Variants in DOK1 observed in about 807,000 individuals in gnomAD.
The protein encoded by DOK1 is Downstream of tyrosine kinase 1.
DOK1 carries 12 observed loss-of-function variants against 24.0 expected under a neutral mutation model. That is an observed-to-expected ratio of 0.50 (90% CI 0.32 to 0.81). The LOEUF is 0.81. Among genes scored for constraint, DOK1 ranks in the 30% least tolerant of loss-of-function variants. The probability of loss-of-function intolerance (pLI) is 0.03; values close to 1 mark genes in which losing one functional copy is unlikely to be tolerated. For missense variants in DOK1, 591 were observed against 620.7 expected (o/e 0.95, Z 0.51); for synonymous variants, 250 against 260.9 (o/e 0.96, Z 0.40).
chr2:74,555,178 C>A lies in DOK1; in HGVS notation c.85C>A (p.Leu29Ile). ...TKRWRKTWAV[L>I]YPASPHGVAR... ...GAGGTGGAGGAAGACCTGGGCCGTG[C>A]TCTACCCGGCCAGTCCCCACGGCGT... is the stretch of plus-strand genomic sequence containing the variant. The change falls in exon 2 of 5, where the codon CTC becomes ATC. Residue 29 changes from leucine (L) to isoleucine (I), a missense_variant. Coordinates refer to ENST00000233668, the MANE Select transcript of DOK1 (RefSeq NM_001381.5). This position sits in a 1 kb window ranked among gnomAD's most constrained non-coding sequence, Gnocchi z 6.1. 1.2e-6 allele frequency: 2 copies of A among 1,613,040 alleles called. No individual in the cohort carries two copies. The highest frequency in any genetic ancestry group is 1.1e-5 in the South Asian group (1 of 91,048).
upstream of DOK1, chr2:74,550,162 G>A: frequency 7.5e-6 from 12 of 1,607,338 alleles, no homozygotes; most frequent in Non-Finnish European, 1.0e-5. Context: ...TAGTGTGTGT[G>A]TGTATGTCTA....
At chr2:74,552,408 A>G (rs1677072867), upstream of DOK1, 1 of 1,613,704 alleles carries the variant, frequency 6.2e-7, no homozygotes, top group South Asian at 1.1e-5. Flanking sequence ...GGCAGCCTGC[A>G]GCGTGAAGTC....
upstream of DOK1, among the ~76,000 whole-genome samples, chr2:74,550,982 A>AG (rs1676970980): frequency 6.7e-6 from 1 of 149,886 alleles, no homozygotes; most frequent in African/African-American, 2.5e-5. Flanking sequence ...GCCTAGGCTG[A>AG]AATGCAGTGG....
chr2:74,555,580 C>T lies in DOK1; in HGVS notation c.366C>T (p.Gly122=). Residue 122 remains glycine, a synonymous_variant, in exon 3 of 5, where the codon GGC becomes GGT. Coordinates refer to ENST00000233668, the MANE Select transcript of DOK1 (RefSeq NM_001381.5). The surrounding 1 kb of genome is among the most constrained non-coding windows in gnomAD (Gnocchi z 6.1). ...QTLCRNAFPK[G]SWTLAPTDNP... is the part of the protein sequence containing the mutation. ...CTCGATGCTCTCTACTACAGAAAGGCAGCTGGACTCTGGCGCCTACCGATA... is the reference window on the plus strand; with the variant it reads ...CTCGATGCTCTCTACTACAGAAAGGTAGCTGGACTCTGGCGCCTACCGATA... 1.2e-6 allele frequency: 2 copies of T among 1,614,172 alleles called. No homozygotes were observed. Among genetic ancestry groups the T allele is most frequent in the East Asian group, 4.5e-5 (2 of 44,888 alleles).
Position 74,555,437 on chromosome 2 carries a change from G to C in DOK1, c.344G>C (p.Cys115Ser). The change falls in exon 2 of 5, where the codon TGC becomes TCC. Residue 115 changes from cysteine (C) to serine (S), a missense_variant. Transcript: ENST00000233668. This position sits in a 1 kb window ranked among gnomAD's most constrained non-coding sequence, Gnocchi z 6.1. ...PSSAAWVQTL[C>S]RNAFPKGSWT... The stretch of plus-strand genomic sequence containing the variant: ...AGTGCAGCCTGGGTGCAGACGCTGT[G>C]CCGAAACGCCTTTCCGGTGAGGAGC... 1.2e-6 allele frequency: 2 copies of C among 1,609,668 alleles called. No homozygotes were observed. Among genetic ancestry groups the C allele is most frequent in the Non-Finnish European group, 1.7e-6 (2 of 1,178,754 alleles).
At chr2:74,551,670 C>T (rs1451923221), upstream of DOK1, among the ~76,000 whole-genome samples, 4 of 152,272 alleles carry the variant, frequency 2.6e-5, no homozygotes, top group African/African-American at 4.8e-5. Context: ...ACAGCATCTA[C>T]AAATGACACT....
chr2:74,550,392 G>A (rs1020778156), upstream of DOK1: 6 of 1,591,072 alleles, frequency 3.8e-6, no homozygotes, highest in Non-Finnish European at 5.1e-6. Flanking sequence ...TGGGGAGGGA[G>A]GATGGGGGAG....
At chr2:74,554,409 G>GTA, upstream of DOK1, 1 of 297,734 alleles carries the variant, frequency 3.4e-6, no homozygotes. The surrounding 1 kb of genome is among the most constrained non-coding windows in gnomAD (Gnocchi z 4.9). Flanking sequence ...GGGCGCTTTC[G>GTA]GGGTGATGTC....
chr2:74,551,247 G>A (rs1051113560), upstream of DOK1, among the ~76,000 whole-genome samples: 1 of 152,226 alleles, frequency 6.6e-6, no homozygotes, highest in Non-Finnish European at 1.5e-5. Context: ...ACCCTGTGGA[G>A]TATCACTGGC....
upstream of DOK1, among the ~76,000 whole-genome samples, chr2:74,551,815 C>T (rs984489440): frequency 2.0e-5 from 3 of 152,246 alleles, no homozygotes; most frequent in African/African-American, 7.2e-5. Flanking sequence ...TGCTCTTAAG[C>T]CTCCACCACC....
Position 74,549,262 on chromosome 2 carries a change from C to A in DOK1, c.-358+90C>A, listed in dbSNP as rs980269566. On this transcript the variant is annotated intron_variant, in intron 1 of 4. Coordinates refer to the DOK1 transcript ENST00000409429. The surrounding 1 kb of genome is among the most constrained non-coding windows in gnomAD (Gnocchi z 5.3). ...CTCCATATTTTCCCGCGCGTCCCGA[C>A]CCCCGGGTCCTCCCGTGCCCCGGAC... The A allele has an allele frequency of 3.9e-6, 5 of 1,288,506 alleles. No homozygotes were observed. The East Asian group carries it at 8.0e-5, about 21-fold the overall frequency. 79.8% of individuals were successfully genotyped at this position (1,288,506 alleles called of 1,614,324 possible).
chr2:74,554,636 C>T (rs969657284), upstream of DOK1: 1 of 963,124 alleles, frequency 1.0e-6, no homozygotes. This position sits in a 1 kb window ranked among gnomAD's most constrained non-coding sequence, Gnocchi z 4.9. Context: ...CCGCGACCCC[C>T]CCAGCGGCTG....
upstream of DOK1, among the ~76,000 whole-genome samples, chr2:74,550,524 G>T (rs1208284986): frequency 1.3e-5 from 2 of 152,092 alleles, no homozygotes; most frequent in Admixed American, 1.3e-4. Flanking sequence ...TAGGAAGGGG[G>T]CATAAGATTG....
chr2:74,557,079 G>A lies in DOK1; in HGVS notation c.1411G>A (p.Asp471Asn). 6.2e-7 allele frequency: 1 copy of A among 1,613,182 alleles called. No homozygotes were observed. The change falls in exon 5 of 5, where the codon GAC becomes AAC. Residue 471 changes from aspartate (D) to asparagine (N), a missense_variant. By Grantham distance (23) the Asp-to-Asn change is conservative. Coordinates refer to ENST00000233668, the MANE Select transcript of DOK1 (RefSeq NM_001381.5). ...CTGTGGGCTCTCTAGAGTAGGGACTGACAAGACTGGGGTCAAGTCAGAGGG... is the reference window on the plus strand; with the variant it reads ...CTGTGGGCTCTCTAGAGTAGGGACTAACAAGACTGGGGTCAAGTCAGAGGG... ...WDCGLSRVGT[D>N]KTGVKSEGST
In DOK1 at chr2:74,549,425, C is replaced by T. The variant is rs1676845655; in HGVS notation, c.-358+253C>T. 6.2e-7 allele frequency: 1 copy of T among 1,613,040 alleles called. No individual in the cohort carries two copies. ...TGGGGAAGCCCAGCATCCCGCAGACCACGTGGCTGTTGTGGGCGCTCCAGC... is the reference window on the plus strand; with the variant it reads ...TGGGGAAGCCCAGCATCCCGCAGACTACGTGGCTGTTGTGGGCGCTCCAGC... On this transcript the variant is annotated intron_variant, in intron 1 of 4. Coordinates refer to the DOK1 transcript ENST00000409429. This position sits in a 1 kb window ranked among gnomAD's most constrained non-coding sequence, Gnocchi z 5.3.
Position 74,556,909 on chromosome 2 carries a change from C to T in DOK1, c.1241C>T (p.Pro414Leu). The T allele has an allele frequency of 6.2e-7, 1 of 1,614,170 alleles. No individual in the cohort carries two copies. Residue 414 changes from proline (P) to leucine (L), a missense_variant, in exon 5 of 5, where the codon CCT (proline) becomes CTT (leucine). By Grantham distance (98) the Pro-to-Leu change is moderately conservative. Transcript: ENST00000233668. The surrounding 1 kb of genome is among the most constrained non-coding windows in gnomAD (Gnocchi z 4.1). ...PATDDYAVPPPRSTKPLLAPK... is the reference protein window; with the variant it reads ...PATDDYAVPPLRSTKPLLAPK... ...ACTGATGACTACGCTGTGCCACCCC[C>T]TCGGAGCACAAAGCCCCTCCTTGCT... is the stretch of plus-strand genomic sequence containing the variant.
At chr2:74,552,443 A>T (rs982285787), upstream of DOK1, 3 of 1,613,704 alleles carry the variant, frequency 1.9e-6, no homozygotes, top group East Asian at 4.5e-5. Flanking sequence ...TGCCCCATTC[A>T]CCAGCTCGCT....
upstream of DOK1, chr2:74,550,310 C>T (rs748631958): frequency 9.3e-6 from 15 of 1,613,982 alleles, no homozygotes; most frequent in South Asian, 3.3e-5. Flanking sequence ...ACACTCTGCT[C>T]GGTCCCACTG....
In DOK1 at chr2:74,555,839, C is replaced by T. The variant is rs183081055; in HGVS notation, c.455-55C>T. 218 of 1,581,656 alleles carry T rather than the reference C, an allele frequency of 1.4e-4. 2 individuals carry two copies. In the African/African-American group the frequency reaches 2.6e-3, roughly 19 times the overall value. On this transcript the variant is annotated intron_variant, in intron 3 of 4. Transcript: ENST00000233668. The surrounding 1 kb of genome is among the most constrained non-coding windows in gnomAD (Gnocchi z 6.1). ...ACTATGCTCATGAGTCCTCTGGGTC[C>T]CCACTGCTGCCCCCGTCCCTCCCCC...
Sources: allele counts gnomAD v4.1 joint callset (sites outside exome capture counted in the v4.1 genomes callset), GRCh38; gene constraint gnomAD v4.1.1; non-coding constraint Gnocchi (gnomAD v3.1); transcripts MANE v1.5; gene names NCBI Gene and HGNC (gene_info 2026-07-23, HGNC 2026-07-21).